The following MAGI1 variants were observed in gnomAD, a reference collection of about 807,000 sequenced individuals.
The protein encoded by MAGI1 is membrane associated guanylate kinase, WW and PDZ domain containing 1.
MAGI1 carries 58 observed loss-of-function variants against 139.9 expected under a neutral mutation model. The ratio of observed to expected loss-of-function variants is 0.41; its 90% CI spans 0.34 to 0.52. The LOEUF is 0.52. Among genes scored for constraint, MAGI1 ranks in the 20% least tolerant of loss-of-function variants. The probability of loss-of-function intolerance (pLI) is 0.12; values close to 1 mark genes in which losing one functional copy is unlikely to be tolerated. For missense variants in MAGI1, 1,874 were observed against 1,901.6 expected (o/e 0.99, Z 0.27); for synonymous variants, 812 against 737.9 (o/e 1.10, Z -1.63).
At chr3:65,779,489 C>A (rs1204022361) in intron 1 of MAGI1, among the ~76,000 whole-genome samples, 1 of 152,214 alleles carries the variant, frequency 6.6e-6, no homozygotes, top group Non-Finnish European at 1.5e-5. Context: ...TGTGTTCTTG[C>A]ATAAGGAACT....
intron 1 of MAGI1, among the ~76,000 whole-genome samples, chr3:65,716,012 G>A (rs866572035): frequency 2.0e-5 from 3 of 152,292 alleles, no homozygotes; most frequent in African/African-American, 4.8e-5. Context: ...AAAGGTATCC[G>A]AGACTCAGTT....
intron 1 of MAGI1, among the ~76,000 whole-genome samples, chr3:65,803,058 A>T (rs1267327902): frequency 1.3e-5 from 2 of 152,170 alleles, no homozygotes; most frequent in Non-Finnish European, 2.9e-5. Context: ...CCTTATTTTA[A>T]TAACATCCTT....
chr3:65,986,332 C>T (rs757950198), intron 1 of MAGI1, among the ~76,000 whole-genome samples: 5 of 152,166 alleles, frequency 3.3e-5, no homozygotes, highest in Non-Finnish European at 7.3e-5. Context: ...GAAATAGATT[C>T]TATAAATACC....
At chr3:65,669,837 T>C (rs1005480013) in intron 1 of MAGI1, among the ~76,000 whole-genome samples, 6 of 152,210 alleles carry the variant, frequency 3.9e-5, no homozygotes, top group Non-Finnish European at 8.8e-5. Flanking sequence ...CCAATTGAGA[T>C]GCCTATGGTG....
At chr3:65,873,795 C>G (rs1214865656) in intron 1 of MAGI1, 1 of 152,044 alleles carries the variant, frequency 6.6e-6, no homozygotes. Flanking sequence ...AAGTTGGGAC[C>G]CTTTCCTATG....
chr3:65,535,368 C>G (rs896832590), intron 2 of MAGI1, among the ~76,000 whole-genome samples: 3 of 152,140 alleles, frequency 2.0e-5, no homozygotes, highest in Admixed American at 6.5e-5. Flanking sequence ...AAATGAGATG[C>G]CTTGTCTCTT....
chr3:65,894,126 C>A (rs11715972), intron 1 of MAGI1, among the ~76,000 whole-genome samples: 3,628 of 152,224 alleles, frequency 0.024, 70 homozygotes, highest in Middle Eastern at 0.044. Flanking sequence ...AAAGAAGGAA[C>A]GAGACATCAC....
In MAGI1 at chr3:65,427,226, C is replaced by T. The variant is rs141440258; in HGVS notation, c.2167+2294G>A. ...ACTTGGGGGGCTAAGGCAGGAAGAT[C>T]GCTTGAAACTAGGAGGTTGAGGCTG... is the stretch of plus-strand genomic sequence containing the variant. On this transcript the variant is annotated intron_variant, in intron 12 of 22. Coordinates refer to ENST00000402939, the MANE Select transcript of MAGI1 (RefSeq NM_001033057.2). 1.4e-4 allele frequency among the ~76,000 whole-genome samples: 22 copies of T among 152,200 alleles called. No individual in the cohort carries two copies. In the East Asian group the frequency reaches 3.9e-3, roughly 27 times the overall value.
intron 1 of MAGI1, among the ~76,000 whole-genome samples, chr3:65,634,438 CAGTAGTATATGGTTA>C (rs2107180679): frequency 6.6e-6 from 1 of 152,278 alleles, no homozygotes; most frequent in South Asian, 2.1e-4. Flanking sequence ...GTGTTTCTTT[CAGTAGTATATGGTTA>C]AGAGTGCTGA....
intron 1 of MAGI1, among the ~76,000 whole-genome samples, chr3:65,896,086 G>T (rs1209658918): frequency 6.6e-6 from 1 of 152,046 alleles, no homozygotes; most frequent in Non-Finnish European, 1.5e-5. Flanking sequence ...GGCTGACATG[G>T]GGAAGCCCCC....
chr3:65,469,782 G>C (rs970199158), intron 5 of MAGI1: 4 of 151,042 alleles, frequency 2.6e-5, no homozygotes, highest in Non-Finnish European at 3.0e-5. Flanking sequence ...CAGACTTAGA[G>C]AAAATGCATA....
chr3:65,608,051 T>G (rs1023762809), intron 2 of MAGI1, among the ~76,000 whole-genome samples: 13 of 152,192 alleles, frequency 8.5e-5, no homozygotes, highest in Admixed American at 7.2e-4. Context: ...TCAAAAAGGT[T>G]AGACAACCAG....
At chr3:65,772,769 TCCAGGGA>T (rs1270738254) in intron 1 of MAGI1, among the ~76,000 whole-genome samples, 1 of 152,200 alleles carries the variant, frequency 6.6e-6, no homozygotes, top group Non-Finnish European at 1.5e-5. Flanking sequence ...AAGACATGTT[TCCAGGGA>T]CCTGGTTTTA....
At chr3:65,734,689 A>C (rs1328349678) in intron 1 of MAGI1, among the ~76,000 whole-genome samples, 1 of 152,022 alleles carries the variant, frequency 6.6e-6, no homozygotes, top group African/African-American at 2.4e-5. Context: ...TCCAACACAA[A>C]TATATGACTG....
At chr3:65,781,594 A>T (rs1048937769) in intron 1 of MAGI1, among the ~76,000 whole-genome samples, 1 of 152,250 alleles carries the variant, frequency 6.6e-6, no homozygotes, top group Non-Finnish European at 1.5e-5. Context: ...CAAATTATAT[A>T]GCAACTGCCG....
intron 1 of MAGI1, chr3:65,873,846 C>T (rs114110601): frequency 2.6e-5 from 4 of 152,218 alleles, no homozygotes; most frequent in Non-Finnish European, 5.9e-5. Flanking sequence ...AAATGTAAAA[C>T]CTAAAACTAT....
chr3:65,429,951 T>A lies in MAGI1; in HGVS notation c.1736A>T (p.Glu579Val). The change falls in exon 12 of 23, where the codon GAA becomes GTA. Residue 579 changes from glutamate (E) to valine (V), a missense_variant. By Grantham distance (121) the Glu-to-Val change is moderately radical. Around this residue, in one of 5 missense-constraint regions of MAGI1, gnomAD observed 86 missense variants for 130.0 expected, o/e 0.66. Transcript: ENST00000402939. ...CTCTTGCCCATTCACAATAATTGGT[T>A]CTTTATCCAAAATGGCTACCGAGGT... Reference protein sequence around the residue: ...LVTSVAILDKEPIIVNGQETY... With the variant: ...LVTSVAILDKVPIIVNGQETY... The A allele has an allele frequency of 6.2e-7, 1 of 1,614,042 alleles. No homozygotes were observed. Among genetic ancestry groups the A allele is most frequent in the East Asian group, 2.2e-5 (1 of 44,856 alleles).
Position 65,839,951 on chromosome 3 carries a change from T to G in MAGI1, c.313+198045A>C, listed in dbSNP as rs564954353. Among the ~76,000 whole-genome samples, 5 of 152,342 alleles carry G rather than the reference T, an allele frequency of 3.3e-5. No individual in the cohort carries two copies. In the East Asian group the frequency reaches 7.7e-4, roughly 24 times the overall value. ...CATTTATTGTCTTTAATTAGCACTTTATAGTTGTCACCATACTAAATCTGG... is the reference window on the plus strand; with the variant it reads ...CATTTATTGTCTTTAATTAGCACTTGATAGTTGTCACCATACTAAATCTGG... On this transcript the variant is annotated intron_variant, in intron 1 of 22. Coordinates refer to ENST00000402939, the MANE Select transcript of MAGI1 (RefSeq NM_001033057.2).
At chr3:65,652,703 T>G (rs984750517) in intron 1 of MAGI1, among the ~76,000 whole-genome samples, 3 of 152,212 alleles carry the variant, frequency 2.0e-5, no homozygotes, top group Admixed American at 6.5e-5. Context: ...TAGCTTCCTA[T>G]GACCACATTT....
Sources: gnomAD v4.1 joint callset for allele counts (sites outside exome capture counted in the v4.1 genomes callset) on GRCh38, gnomAD v4.1.1 for gene constraint, gnomAD v4.1.1 regional missense constraint, MANE v1.5 for transcripts, NCBI Gene and HGNC (gene_info 2026-07-23, HGNC 2026-07-21) for gene names.